The following ALCAM variants were observed in gnomAD, a reference collection of about 807,000 sequenced individuals.
The protein encoded by ALCAM is CD166 antigen.
A neutral mutation model predicts 70.9 loss-of-function variants in ALCAM; 30 were observed. That is an observed-to-expected ratio of 0.42 (90% CI 0.32 to 0.57). ALCAM has a LOEUF of 0.57. Ranked by LOEUF, ALCAM falls within the 20% of genes least tolerant of loss-of-function variation. The pLI, the probability that ALCAM is intolerant of heterozygous loss-of-function variation, is 0.11. For synonymous variants in ALCAM, 249 were observed against 242.5 expected, an observed-to-expected ratio of 1.03 and a Z score of -0.25; for missense variants, 591 against 695.1, an observed-to-expected ratio of 0.85 and a Z score of 1.68.
rs576543004 is a variant in ALCAM, at chr3:105,393,148, A to T, written c.73+25667A>T. ...CTTATTTGTTACAATAAACCTACAA[A>T]CATATTGAAATTAAAATGATCTTTC... On this transcript the variant is annotated intron_variant, in intron 1 of 15. Transcript: ENST00000306107. Among the ~76,000 whole-genome samples, 9 of 151,982 alleles carry T rather than the reference A, an allele frequency of 5.9e-5. No homozygotes were observed. The East Asian group carries it at 1.7e-3, about 30-fold the overall frequency.
chr3:105,528,773 A>G (rs1939769674), intron 3 of ALCAM, among the ~76,000 whole-genome samples: 1 of 152,166 alleles, frequency 6.6e-6, no homozygotes, highest in Non-Finnish European at 1.5e-5. Flanking sequence ...AAAAATAACT[A>G]ATAGGTACTA....
intron 14 of ALCAM, among the ~76,000 whole-genome samples, chr3:105,568,053 A>ATTTATTTTT (rs1559659901): frequency 9.8e-6 from 1 of 101,888 alleles, no homozygotes; most frequent in African/African-American, 3.7e-5. Flanking sequence ...TTATTATTTT[A>ATTTATTTTT]TTTTATTTTA....
At chr3:105,553,131 A>C in intron 14 of ALCAM, 1 of 956,086 alleles carries the variant, frequency 1.0e-6, no homozygotes, top group Non-Finnish European at 1.2e-6. Context: ...AAATGGATTA[A>C]AGTACCAACA....
At position 105,479,526 on chromosome 3, in the gene ALCAM, CAT is replaced by C. The variant is rs566909900; in HGVS notation, c.74-40538_74-40537del. Among the ~76,000 whole-genome samples, 746 of 152,268 alleles carry C rather than the reference CAT, an allele frequency of 4.9e-3. 8 individuals are homozygous for C. The highest frequency in any genetic ancestry group is 0.017 in the African/African-American group (708 of 41,568). ...GGAGCACAGCAGAAAGCAAATGGAA[CAT>C]ATGAATTTCTGGCTTTTCACATTAT... On this transcript the variant is annotated intron_variant, in intron 1 of 15. Coordinates refer to ENST00000306107, the MANE Select transcript of ALCAM (RefSeq NM_001627.4).
intron 11 of ALCAM, among the ~76,000 whole-genome samples, chr3:105,547,945 G>A (rs868759475): frequency 6.6e-6 from 1 of 151,344 alleles, no homozygotes; most frequent in Non-Finnish European, 1.5e-5. Flanking sequence ...ACATTAAGGG[G>A]TGTTACTTCT....
At chr3:105,407,143 C>A (rs928871723) in intron 1 of ALCAM, among the ~76,000 whole-genome samples, 1 of 151,992 alleles carries the variant, frequency 6.6e-6, no homozygotes, top group Non-Finnish European at 1.5e-5. Flanking sequence ...GAATTGGCAC[C>A]AATCCTAATG....
At chr3:105,382,591 T>C (rs916340585) in intron 1 of ALCAM, among the ~76,000 whole-genome samples, 2 of 151,962 alleles carry the variant, frequency 1.3e-5, no homozygotes, top group African/African-American at 2.4e-5. Context: ...CCACATCCTC[T>C]CCAGCACCTG....
intron 1 of ALCAM, among the ~76,000 whole-genome samples, chr3:105,396,723 G>T (rs551546627): frequency 1.3e-5 from 2 of 152,082 alleles, no homozygotes; most frequent in East Asian, 1.9e-4. Context: ...CGATTATTGG[G>T]ATGGTTAACT....
At chr3:105,429,565 A>G (rs1210775170) in intron 1 of ALCAM, among the ~76,000 whole-genome samples, 4 of 152,008 alleles carry the variant, frequency 2.6e-5, no homozygotes, top group African/African-American at 4.8e-5. Context: ...AGCTAGCACT[A>G]TAAACAAAAA....
chr3:105,568,151 C>A (rs1323903815), intron 14 of ALCAM, among the ~76,000 whole-genome samples: 1 of 150,978 alleles, frequency 6.6e-6, no homozygotes, highest in Non-Finnish European at 1.5e-5. Context: ...CAACCTCTGC[C>A]TCCTGGGTTC....
chr3:105,525,438 C>G, intron 3 of ALCAM: 1 of 824,876 alleles, frequency 1.2e-6, no homozygotes, highest in Non-Finnish European at 1.5e-6. Flanking sequence ...CTACAGGGAA[C>G]GAAACAGGTC....
chr3:105,513,254 T>G (rs1939289727), intron 1 of ALCAM: 1 of 151,886 alleles, frequency 6.6e-6, no homozygotes, highest in Non-Finnish European at 1.5e-5. Flanking sequence ...ACACAGGGGT[T>G]TCATTGTGGA....
At chr3:105,492,095 G>A (rs945459164) in intron 1 of ALCAM, among the ~76,000 whole-genome samples, 2 of 152,140 alleles carry the variant, frequency 1.3e-5, no homozygotes, top group Admixed American at 6.6e-5. Context: ...TACAATCATG[G>A]CAGAAGGGGA....
chr3:105,558,152 A>G (rs2152633338), intron 14 of ALCAM, among the ~76,000 whole-genome samples: 1 of 152,160 alleles, frequency 6.6e-6, no homozygotes, highest in Non-Finnish European at 1.5e-5. Flanking sequence ...TGGAAGTGGT[A>G]ACTCTACACT....
chr3:105,411,086 A>T (rs1968520), intron 1 of ALCAM, among the ~76,000 whole-genome samples: 2 of 152,088 alleles, frequency 1.3e-5, no homozygotes, highest in South Asian at 4.1e-4. Flanking sequence ...GGTAATGGAA[A>T]AACATTAATG....
chr3:105,424,095 G>C (rs1936733905), intron 1 of ALCAM, among the ~76,000 whole-genome samples: 1 of 151,468 alleles, frequency 6.6e-6, no homozygotes, highest in Non-Finnish European at 1.5e-5. Flanking sequence ...TTATTTATTA[G>C]GAATTTACTT....
chr3:105,371,831 GAAGAATA>G (rs1935241160), intron 1 of ALCAM, among the ~76,000 whole-genome samples: 1 of 152,118 alleles, frequency 6.6e-6, no homozygotes, highest in African/African-American at 2.4e-5. Context: ...AGCTATGATA[GAAGAATA>G]TGTCTCTGTC....
chr3:105,505,405 T>C (rs1939045017), intron 1 of ALCAM, among the ~76,000 whole-genome samples: 1 of 152,128 alleles, frequency 6.6e-6, no homozygotes, highest in African/African-American at 2.4e-5. Context: ...CCAGCTCTTA[T>C]GAGAAGGCAC....
chr3:105,392,099 A>G (rs1471530073), intron 1 of ALCAM, among the ~76,000 whole-genome samples: 1 of 152,004 alleles, frequency 6.6e-6, no homozygotes, highest in Non-Finnish European at 1.5e-5. Context: ...TGAGTTAGGA[A>G]GAAGTCCCTG....
Sources: allele counts gnomAD v4.1 joint callset (sites outside exome capture counted in the v4.1 genomes callset), GRCh38; gene constraint gnomAD v4.1.1; transcripts MANE v1.5; gene names NCBI Gene and HGNC (gene_info 2026-07-23, HGNC 2026-07-21).